Variants in CNTNAP5 observed in about 807,000 individuals in gnomAD.
CNTNAP5 encodes the protein contactin-associated protein-like 5.
CNTNAP5 carries 72 observed loss-of-function variants against 150.2 expected under a neutral mutation model. The observed-to-expected ratio is 0.48, with a 90% CI of 0.40 to 0.58. The LOEUF (loss-of-function observed/expected upper bound fraction) is 0.58, where lower values mean the gene tolerates loss of function less well. Ranked by LOEUF, CNTNAP5 falls within the 20% of genes least tolerant of loss-of-function variation. CNTNAP5 has a pLI of 0.00. For synonymous variants in CNTNAP5, 672 were observed against 619.8 expected, an observed-to-expected ratio of 1.08 and a Z score of -1.25; for missense variants, 1,636 against 1,626.2, an observed-to-expected ratio of 1.01 and a Z score of -0.10.
intron 19 of CNTNAP5, among the ~76,000 whole-genome samples, chr2:124,826,380 G>A (rs1469560835): frequency 6.6e-6 from 1 of 152,016 alleles, no homozygotes; most frequent in Non-Finnish European, 1.5e-5. Context: ...TGGGAGAGTG[G>A]GATGTTAAGA....
At position 124,316,804 on chromosome 2, in the gene CNTNAP5, C is replaced by CAA. The variant is rs56812690; in HGVS notation, c.381+74434_381+74435dup. 4.7e-3 allele frequency among the ~76,000 whole-genome samples: 254 copies of CAA among 54,622 alleles called. 1 individual carries two copies. Among genetic ancestry groups the CAA allele is most frequent in the East Asian group, 6.1e-3 (8 of 1,306 alleles). 35.8% of individuals were successfully genotyped at this position (54,622 alleles called of 152,430 possible). A position where few individuals can be genotyped will look rare whatever the true frequency, so the allele number is the denominator to read the frequency against. On this transcript the variant is annotated intron_variant, in intron 3 of 23. Coordinates refer to ENST00000682447, the MANE Select transcript of CNTNAP5 (RefSeq NM_001367498.1). The stretch of plus-strand genomic sequence containing the variant: ...TGGGTGACAGAGCGAGACTCCATCT[C>CAA]AAAAAAAAAAAAAAAAAAAAAAAAG...
At position 124,798,337 on chromosome 2, in the gene CNTNAP5, G is replaced by A. The variant is rs1681892470; in HGVS notation, c.3217+17G>A. On this transcript the variant is annotated intron_variant, in intron 19 of 23. Transcript: ENST00000682447. ...GCAAGAATGGTGAGTGTGATGGCATGATACCCAGCGGAGTCTCAGCCTGGG... is the reference window on the plus strand; with the variant it reads ...GCAAGAATGGTGAGTGTGATGGCATAATACCCAGCGGAGTCTCAGCCTGGG... 1.3e-6 allele frequency: 2 copies of A among 1,569,350 alleles called. No individual in the cohort carries two copies. Among genetic ancestry groups the A allele is most frequent in the Non-Finnish European group, 1.8e-6 (2 of 1,139,500 alleles).
chr2:124,168,674 C>A (rs1031637694), intron 1 of CNTNAP5, among the ~76,000 whole-genome samples: 3 of 152,050 alleles, frequency 2.0e-5, no homozygotes, highest in East Asian at 3.9e-4. Context: ...TTGTTTAGCA[C>A]CATTTATATT....
intron 19 of CNTNAP5, among the ~76,000 whole-genome samples, chr2:124,800,302 C>G (rs1681940554): frequency 6.6e-6 from 1 of 152,100 alleles, no homozygotes; most frequent in African/African-American, 2.4e-5. Flanking sequence ...CAGGCCATGC[C>G]TAGGGAAATA....
At chr2:124,051,673 C>T (rs1681700897) in intron 1 of CNTNAP5, among the ~76,000 whole-genome samples, 1 of 152,098 alleles carries the variant, frequency 6.6e-6, no homozygotes, top group Non-Finnish European at 1.5e-5. Flanking sequence ...GATTCCAACC[C>T]AGATAACCTG....
chr2:124,706,853 G>GGGAA (rs1679664026), intron 13 of CNTNAP5, among the ~76,000 whole-genome samples: 2 of 30,504 alleles, frequency 6.6e-5, no homozygotes, highest in African/African-American at 2.9e-4. Flanking sequence ...GAAGGAGGAG[G>GGGAA]AGGAGAAGGA....
Position 124,242,388 on chromosome 2 carries a change from A to T in CNTNAP5, c.376A>T (p.Ile126Phe). The change falls in exon 3 of 24, where the codon ATC becomes TTC. Residue 126 changes from isoleucine to phenylalanine, a missense_variant. By Grantham distance (21) the Ile-to-Phe change is conservative (BLOSUM62 0). Transcript: ENST00000682447. ...GAAACAGTACAAACAAGAAGACAGC[A>T]TCTGGGTAGGACATCTTTTTCCTTC... is the stretch of plus-strand genomic sequence containing the variant. ...NWKQYKQEDSIWTFAGNMNAD... is the reference protein window; with the variant it reads ...NWKQYKQEDSFWTFAGNMNAD... The T allele has an allele frequency of 1.9e-6, 3 of 1,612,542 alleles. No individual in the cohort carries two copies. Among genetic ancestry groups the T allele is most frequent in the Non-Finnish European group, 2.5e-6 (3 of 1,179,246 alleles).
chr2:124,738,728 C>A (rs1394721678), intron 13 of CNTNAP5, among the ~76,000 whole-genome samples: 45 of 130,060 alleles, frequency 3.5e-4, no homozygotes, highest in Admixed American at 5.5e-4. Context: ...GAGACTCCAT[C>A]AAAAAAAAAA....
intron 13 of CNTNAP5, among the ~76,000 whole-genome samples, chr2:124,653,921 C>CCCA (rs1553427482): frequency 7.1e-6 from 1 of 141,168 alleles, no homozygotes. Context: ...ACCCCCCCCC[C>CCCA]CCGCCACACA....
chr2:124,230,130 G>C (rs184590249), intron 2 of CNTNAP5, among the ~76,000 whole-genome samples: 1 of 152,016 alleles, frequency 6.6e-6, no homozygotes, highest in Non-Finnish European at 1.5e-5. Flanking sequence ...CTTACCTCCC[G>C]CTTTGGCACA....
intron 4 of CNTNAP5, among the ~76,000 whole-genome samples, chr2:124,423,728 A>G (rs1196366965): frequency 8.5e-6 from 1 of 117,640 alleles, no homozygotes; most frequent in African/African-American, 3.2e-5. Context: ...GCAGTGGCGC[A>G]ATCGCGGCTC....
At chr2:124,872,376 G>C (rs990525634) in intron 21 of CNTNAP5, among the ~76,000 whole-genome samples, 1 of 14,574 alleles carries the variant, frequency 6.9e-5, no homozygotes, top group Non-Finnish European at 1.2e-4. Context: ...TCCTTATGCT[G>C]TGTGTGTGTG....
intron 13 of CNTNAP5, among the ~76,000 whole-genome samples, chr2:124,678,478 G>A (rs1053368612): frequency 1.3e-5 from 2 of 151,752 alleles, no homozygotes; most frequent in African/African-American, 4.8e-5. Context: ...CTCACCGAGA[G>A]CATTCCTTTT....
intron 22 of CNTNAP5, among the ~76,000 whole-genome samples, chr2:124,905,700 G>A (rs1678521135): frequency 6.6e-6 from 1 of 152,170 alleles, no homozygotes; most frequent in African/African-American, 2.4e-5. Flanking sequence ...AAGTGCTAGG[G>A]TTGGTCAGGA....
intron 3 of CNTNAP5, among the ~76,000 whole-genome samples, chr2:124,276,795 G>A (rs1407134671): frequency 1.3e-5 from 2 of 152,074 alleles, no homozygotes; most frequent in African/African-American, 4.8e-5. Context: ...GTGCACCCAG[G>A]GGACAAACAC....
At chr2:124,374,027 GATA>G in intron 3 of CNTNAP5, among the ~76,000 whole-genome samples, 1 of 152,058 alleles carries the variant, frequency 6.6e-6, no homozygotes, top group Middle Eastern at 3.4e-3. Context: ...GCATAGAAGA[GATA>G]ATATTTATCT....
chr2:124,765,981 A>C (rs1681060572), intron 16 of CNTNAP5, among the ~76,000 whole-genome samples: 2 of 152,164 alleles, frequency 1.3e-5, no homozygotes, highest in Non-Finnish European at 2.9e-5. Flanking sequence ...GGTTAAAAAA[A>C]ATAAAAATAA....
intron 12 of CNTNAP5, among the ~76,000 whole-genome samples, chr2:124,640,892 C>T (rs768866864): frequency 1.1e-4 from 16 of 151,710 alleles, no homozygotes; most frequent in Non-Finnish European, 2.2e-4. Flanking sequence ...TTTGGGAGAC[C>T]GAGGCAGGAG....
intron 14 of CNTNAP5, among the ~76,000 whole-genome samples, chr2:124,761,543 T>G (rs984568270): frequency 2.6e-5 from 4 of 152,164 alleles, no homozygotes; most frequent in African/African-American, 4.8e-5. Context: ...TTCCTGTTGC[T>G]AGTGAGTACT....
Sources: allele counts gnomAD v4.1 joint callset (sites outside exome capture counted in the v4.1 genomes callset), GRCh38; gene constraint gnomAD v4.1.1; transcripts MANE v1.5; gene names NCBI Gene and HGNC (gene_info 2026-07-23, HGNC 2026-07-21).